PTPN4: variants seen among roughly 807,000 people sequenced by gnomAD.
PTPN4 encodes tyrosine-protein phosphatase non-receptor type 4.
PTPN4 carries 49 observed loss-of-function variants against 135.5 expected under a neutral mutation model. The observed-to-expected ratio is 0.36, with a 90% CI of 0.29 to 0.46. PTPN4 has a LOEUF of 0.46. Among genes scored for constraint, PTPN4 ranks in the 20% least tolerant of loss-of-function variants. The pLI is 1.00. For missense variants in PTPN4, 860 were observed against 1,101.0 expected (o/e 0.78, Z 3.10); for synonymous variants, 333 against 369.9 (o/e 0.90, Z 1.14).
intron 2 of PTPN4, among the ~76,000 whole-genome samples, chr2:119,823,492 T>C (rs2170197): frequency 0.34 from 52,294 of 152,054 alleles, 9,527 homozygotes; most frequent in African/African-American, 0.46. Context: ...CTCGGCCTCC[T>C]AAAGTGCTGG....
At chr2:119,902,136 A>G (rs1385975080) in intron 10 of PTPN4, among the ~76,000 whole-genome samples, 3 of 152,254 alleles carry the variant, frequency 2.0e-5, no homozygotes, top group African/African-American at 7.2e-5. Context: ...ACACTATCAT[A>G]GTCATGCTGC....
At chr2:119,773,778 G>A (rs1028540799) in intron 1 of PTPN4, among the ~76,000 whole-genome samples, 1 of 150,222 alleles carries the variant, frequency 6.7e-6, no homozygotes, top group African/African-American at 2.4e-5. Flanking sequence ...TAGATGTCAT[G>A]AATACATAAA....
chr2:119,814,176 T>C (rs763776163), intron 2 of PTPN4, among the ~76,000 whole-genome samples: 1 of 152,222 alleles, frequency 6.6e-6, no homozygotes, highest in Non-Finnish European at 1.5e-5. Flanking sequence ...TTGTAGAGCC[T>C]CACTGCCAGT....
At chr2:119,796,928 C>T (rs1326776506) in intron 1 of PTPN4, among the ~76,000 whole-genome samples, 4 of 151,556 alleles carry the variant, frequency 2.6e-5, no homozygotes, top group Admixed American at 6.6e-5. Flanking sequence ...GTAGTGATAT[C>T]GCATGGTTTT....
At chr2:119,899,114 T>G (rs937016527) in intron 9 of PTPN4, among the ~76,000 whole-genome samples, 1 of 152,226 alleles carries the variant, frequency 6.6e-6, no homozygotes, top group Non-Finnish European at 1.5e-5. Context: ...GCCTATAGTT[T>G]GCCTCTTTCA....
chr2:119,942,787 G>C (rs1367617497), intron 15 of PTPN4, among the ~76,000 whole-genome samples: 1 of 151,852 alleles, frequency 6.6e-6, no homozygotes, highest in Non-Finnish European at 1.5e-5. Flanking sequence ...CTATGTAGTA[G>C]GCCGTGGTTG....
intron 1 of PTPN4, among the ~76,000 whole-genome samples, chr2:119,809,461 A>G (rs192618366): frequency 1.4e-4 from 21 of 151,940 alleles, no homozygotes; most frequent in African/African-American, 4.6e-4. Flanking sequence ...TCCTGTTGTC[A>G]TTCTACAGTG....
intron 9 of PTPN4, among the ~76,000 whole-genome samples, chr2:119,888,437 A>G (rs565835165): frequency 6.6e-6 from 1 of 152,210 alleles, no homozygotes; most frequent in Non-Finnish European, 1.5e-5. Flanking sequence ...TCTTAGGGGG[A>G]ACAATTTCAA....
chr2:119,933,450 G>A (rs1678934827), intron 14 of PTPN4, among the ~76,000 whole-genome samples: 1 of 152,096 alleles, frequency 6.6e-6, no homozygotes, highest in Non-Finnish European at 1.5e-5. Context: ...AGGCCAAAGT[G>A]TGTGGATTCC....
chr2:119,797,720 T>A (rs1174576129), intron 1 of PTPN4, among the ~76,000 whole-genome samples: 1 of 152,216 alleles, frequency 6.6e-6, no homozygotes, highest in Non-Finnish European at 1.5e-5. Context: ...AACTAAGTTT[T>A]TGCCATTTGA....
In PTPN4 at chr2:119,845,259, GGAGGGGGAGGGA is replaced by G. The variant is rs1410323602; in HGVS notation, c.139-17271_139-17260del. ...GAGAGGGAGAGGGGGAGGGGGAGGGGGAGGGGGAGGGAGAGGGAGAGGGAGAGGGAGAGGGAG... is the reference window on the plus strand; with the variant it reads ...GAGAGGGAGAGGGGGAGGGGGAGGGGGAGGGAGAGGGAGAGGGAGAGGGAG... On this transcript the variant is annotated intron_variant, in intron 2 of 26. Transcript: ENST00000263708. Among the ~76,000 whole-genome samples the G allele has an allele frequency of 1.3e-3, 93 of 71,494 alleles. 1 individual carries two copies. Among genetic ancestry groups the G allele is most frequent in the African/African-American group, 3.6e-3 (60 of 16,648 alleles). 46.9% of individuals were successfully genotyped at this position (71,494 alleles called of 152,430 possible). A position where few individuals can be genotyped will look rare whatever the true frequency, so the allele number is the denominator to read the frequency against.
chr2:119,972,515 A>C (rs1406911038), intron 26 of PTPN4, among the ~76,000 whole-genome samples: 1 of 151,832 alleles, frequency 6.6e-6, no homozygotes, highest in African/African-American at 2.4e-5. Context: ...TAGATATGTT[A>C]CTTCTTTCCA....
rs147806060 is a variant in PTPN4, at chr2:119,862,568, C to T, written c.171C>T (p.Val57=). 101 of 1,609,632 alleles carry T rather than the reference C, an allele frequency of 6.3e-5. No homozygotes were observed. Among genetic ancestry groups the T allele is most frequent in the Non-Finnish European group, 8.0e-5 (94 of 1,178,216 alleles). Residue 57 remains valine, a synonymous_variant, in exon 3 of 27, where the codon GTC becomes GTT. Transcript: ENST00000263708. ...KHDQGQVLLD[V]VFKHLDLTEQ... Reference sequence around the variant, plus strand: ...ATCAGGGGCAAGTCTTGTTGGATGTCGTCTTCAAGCATCTAGATTTGACTG... The same window carrying T: ...ATCAGGGGCAAGTCTTGTTGGATGTTGTCTTCAAGCATCTAGATTTGACTG...
At chr2:119,810,637 A>G (rs1353407512) in intron 2 of PTPN4, among the ~76,000 whole-genome samples, 2 of 152,318 alleles carry the variant, frequency 1.3e-5, no homozygotes, top group East Asian at 3.9e-4. Context: ...CTTACAAATA[A>G]TACTGCTGTG....
At chr2:119,847,776 AC>A (rs1165077223) in intron 2 of PTPN4, among the ~76,000 whole-genome samples, 2 of 151,862 alleles carry the variant, frequency 1.3e-5, no homozygotes, top group Non-Finnish European at 2.9e-5. Flanking sequence ...GGCAACAAAT[AC>A]TCTCAGTATT....
rs185028387 is a variant in PTPN4, at chr2:119,895,688, A to C, written c.676-5030A>C. On this transcript the variant is annotated intron_variant, in intron 9 of 26. Transcript: ENST00000263708. ...TGTAATCCCAGCACTTTGGGAGGCC[A>C]AGGCAGGCGGATCACGAGGTCAGGA... 2.7e-3 allele frequency among the ~76,000 whole-genome samples: 407 copies of C among 152,100 alleles called. 2 individuals are homozygous for C. The highest frequency in any genetic ancestry group is 4.7e-3 in the Non-Finnish European group (322 of 67,980).
intron 9 of PTPN4, among the ~76,000 whole-genome samples, chr2:119,892,435 TGATA>T (rs1678253745): frequency 6.6e-6 from 1 of 152,204 alleles, no homozygotes; most frequent in Non-Finnish European, 1.5e-5. Flanking sequence ...CATCAGATAT[TGATA>T]GATGCTATGA....
chr2:119,848,530 A>C (rs1028195980), intron 2 of PTPN4, among the ~76,000 whole-genome samples: 2 of 151,848 alleles, frequency 1.3e-5, no homozygotes, highest in African/African-American at 4.8e-5. Context: ...TCCTTCTGGT[A>C]CTGTCATTAT....
In PTPN4 at chr2:119,926,663, C is replaced by T. The variant is rs1678829664; in HGVS notation, c.1067C>T (p.Ala356Val). Residue 356 changes from alanine (A) to valine (V), a missense_variant, in exon 13 of 27, where the codon GCA (alanine) becomes GTA (valine). Transcript: ENST00000263708. ...AAGGCAAATAAAGACAGGGTATTTG[C>T]AAGGTAAGCCAAATCTGTTTCATTG... ...KEKANKDRVFARSPSKPLARK... is the reference protein window; with the variant it reads ...KEKANKDRVFVRSPSKPLARK... 1 of 1,594,266 alleles carries T rather than the reference C, an allele frequency of 6.3e-7. No homozygotes were observed.
Sources: gnomAD v4.1 joint callset for allele counts (sites outside exome capture counted in the v4.1 genomes callset) on GRCh38, gnomAD v4.1.1 for gene constraint, MANE v1.5 for transcripts, NCBI Gene and HGNC (gene_info 2026-07-23, HGNC 2026-07-21) for gene names.